Variants in CEP192 observed in about 807,000 individuals in gnomAD.
CEP192 encodes the protein centrosomal protein 192.
Under a neutral mutation model 271.8 loss-of-function variants are expected in CEP192, and 151 were observed. The ratio of observed to expected loss-of-function variants is 0.56; its 90% CI spans 0.49 to 0.64. The LOEUF is 0.64. Among genes scored for constraint, CEP192 ranks in the 30% least tolerant of loss-of-function variants. CEP192 has a pLI of 0.00. For synonymous variants in CEP192, 995 were observed against 1,076.5 expected (o/e 0.92, Z 1.48); for missense variants, 2,910 against 3,020.5 (o/e 0.96, Z 0.86).
At chr18:13,010,051 TG>T (rs952220646) in intron 4 of CEP192, among the ~76,000 whole-genome samples, 20 of 151,652 alleles carry the variant, frequency 1.3e-4, no homozygotes, top group Admixed American at 7.2e-4. Flanking sequence ...CCCAGCTACT[TG>T]GGAGGCTGAG....
intron 1 of CEP192, among the ~76,000 whole-genome samples, chr18:12,998,381 C>T (rs2033393294): frequency 6.6e-6 from 1 of 152,206 alleles, no homozygotes; most frequent in African/African-American, 2.4e-5. Flanking sequence ...CAGCATAGAC[C>T]TAGCACTTAG....
chr18:13,122,088 A>G (rs1372307359), intron 44 of CEP192, among the ~76,000 whole-genome samples: 1 of 152,194 alleles, frequency 6.6e-6, no homozygotes, highest in East Asian at 1.9e-4. Flanking sequence ...CAGGAGTTCA[A>G]GATCAGCCTG....
In CEP192 at chr18:13,049,342, G is replaced by A; in HGVS notation, c.2551G>A (p.Glu851Lys). 1.9e-6 allele frequency: 3 copies of A among 1,614,142 alleles called. No homozygotes were observed. Among genetic ancestry groups the A allele is most frequent in the Non-Finnish European group, 2.5e-6 (3 of 1,180,010 alleles). ...TAAIVYVENG[E>K]SENQESFRTI... ...AGCTATTGTTTATGTTGAAAATGGAGAGAGTGAGAATCAAGAGTCATTTAG... is the reference window on the plus strand; with the variant it reads ...AGCTATTGTTTATGTTGAAAATGGAAAGAGTGAGAATCAAGAGTCATTTAG... The change falls in exon 16 of 45, where the codon GAG (glutamate) becomes AAG (lysine). Residue 851 changes from glutamate (E) to lysine (K), a missense_variant. By Grantham distance (56) the Glu-to-Lys change is moderately conservative (BLOSUM62 1). Coordinates refer to ENST00000506447, the MANE Select transcript of CEP192 (RefSeq NM_032142.4).
At chr18:13,106,318 A>G (rs956112286) in intron 40 of CEP192, among the ~76,000 whole-genome samples, 1 of 150,542 alleles carries the variant, frequency 6.6e-6, no homozygotes, top group Non-Finnish European at 1.5e-5. Context: ...TACCACTCCC[A>G]CTCACAACTA....
intron 40 of CEP192, 78 bp downstream of exon 40, chr18:13,105,157 C>T (rs2039892236): frequency 3.1e-6 from 3 of 970,660 alleles, no homozygotes; most frequent in East Asian, 2.4e-5. Flanking sequence ...ACCCATTTAG[C>T]TTGTTTCACC....
chr18:13,068,307 G>A (rs2037823207), intron 23 of CEP192, 52 bp from the exon 24 acceptor site: 54 of 1,592,896 alleles, frequency 3.4e-5, no homozygotes, highest in Non-Finnish European at 4.6e-5. Context: ...CATTAAGATA[G>A]TAATATTAAT....
At chr18:13,091,194 C>T (rs1160450604) in intron 33 of CEP192, among the ~76,000 whole-genome samples, 1 of 152,064 alleles carries the variant, frequency 6.6e-6, no homozygotes, top group African/African-American at 2.4e-5. Flanking sequence ...AAGATGAGAC[C>T]AGAATGAGGA....
intron 1 of CEP192, 113 bp downstream of exon 1, chr18:12,991,550 G>C (rs1396601350): frequency 2.0e-5 from 3 of 152,446 alleles, no homozygotes; most frequent in East Asian, 3.8e-4. Flanking sequence ...TGGGCCGGGT[G>C]GGGGCGCAGG....
chr18:13,017,094 G>T, intron 6 of CEP192, 94 bp from the exon 7 acceptor site: 1 of 919,164 alleles, frequency 1.1e-6, no homozygotes. Context: ...TTAGTCCATT[G>T]ACTCATTTAT....
At chr18:13,095,790 C>A in intron 35 of CEP192, 109 bp downstream of exon 35, 1 of 945,652 alleles carries the variant, frequency 1.1e-6, no homozygotes, top group Non-Finnish European at 1.6e-6. Flanking sequence ...GCACATTGAG[C>A]TGTGACTTGC....
intron 24 of CEP192, 109 bp from the exon 25 acceptor site, chr18:13,068,743 T>C: frequency 9.0e-7 from 1 of 1,108,798 alleles, no homozygotes; most frequent in Non-Finnish European, 1.3e-6. Flanking sequence ...AAAAATCTGC[T>C]TGCCTAAATT....
chr18:13,095,430 G>T, intron 34 of CEP192, 73 bp from the exon 35 acceptor site: 1 of 1,063,494 alleles, frequency 9.4e-7, no homozygotes, highest in Non-Finnish European at 1.4e-6. Context: ...GATACAATCT[G>T]GCCTTTTATC....
chr18:13,059,359 A>G (rs2037286874), intron 21 of CEP192, 47 bp downstream of exon 21: 2 of 1,502,732 alleles, frequency 1.3e-6, no homozygotes, highest in Non-Finnish European at 1.9e-6. Flanking sequence ...ATTTTAAAGA[A>G]GACTGTTTAA....
rs1008525729 is a variant in CEP192 at position 12,991,443 on chromosome 18, G to C, written c.-5+6G>C. ...AAGTCGGGGACGCGGGCTCGGTGAG[G>C]GGGGACGCTGGTGCCTCGGCCTGCG... On this transcript the variant is annotated splice_donor_region_variant and intron_variant, in intron 1 of 44. Coordinates refer to ENST00000506447, the MANE Select transcript of CEP192 (RefSeq NM_032142.4). 1 of 152,926 alleles carries C rather than the reference G, an allele frequency of 6.5e-6. No individual in the cohort carries two copies. Among genetic ancestry groups the C allele is most frequent in the Non-Finnish European group, 1.5e-5 (1 of 68,648 alleles). The allele number at this position is 152,926 out of a possible 1,614,324, so 9.5% of individuals were successfully genotyped here.
intron 30 of CEP192, among the ~76,000 whole-genome samples, chr18:13,076,470 C>T (rs1241400731): frequency 2.0e-5 from 3 of 152,322 alleles, no homozygotes; most frequent in Middle Eastern, 3.4e-3. Flanking sequence ...CCAGCCTCAG[C>T]CTCCCAAAGT....
rs1397367500 is a variant in CEP192 at position 13,049,515 on chromosome 18, A to G, written c.2724A>G (p.Ser908=). Residue 908 remains serine (S), a synonymous_variant, in exon 16 of 45, where the codon TCA becomes TCG. Transcript: ENST00000506447. ...TSISTPSDSY[S]SVRNPRITSL... is the part of the protein sequence containing the mutation. ...TTTCCACTCCATCTGATAGTTATTC[A>G]TCAGTGAGGAACCCCAGAATAACAT... 2 of 1,614,040 alleles carry G rather than the reference A, an allele frequency of 1.2e-6. No individual in the cohort carries two copies. Among genetic ancestry groups the G allele is most frequent in the Non-Finnish European group, 1.7e-6 (2 of 1,180,040 alleles).
intron 9 of CEP192, among the ~76,000 whole-genome samples, chr18:13,027,819 G>A (rs2035390295): frequency 1.3e-5 from 2 of 151,492 alleles, no homozygotes; most frequent in African/African-American, 2.4e-5. Context: ...ATGAAAAGCA[G>A]TTATCTTGTT....
chr18:13,094,045 G>A (rs117823990), intron 34 of CEP192, among the ~76,000 whole-genome samples: 416 of 152,224 alleles, frequency 2.7e-3, no homozygotes, highest in Non-Finnish European at 4.7e-3. Context: ...AAAATATCCC[G>A]CAATTTCAGT....
chr18:13,052,858 T>C lies in CEP192; in HGVS notation c.3018-61T>C, dbSNP rs932766921. ...TTGTAGGCCCATAGGAATGGTTTTTTGCTAATGTAGATAGTTGAAGGACTG... is the reference window on the plus strand; with the variant it reads ...TTGTAGGCCCATAGGAATGGTTTTTCGCTAATGTAGATAGTTGAAGGACTG... On this transcript the variant is annotated intron_variant, in intron 17 of 44. Transcript: ENST00000506447. The C allele has an allele frequency of 4.5e-6, 6 of 1,325,294 alleles. No homozygotes were observed. The African/African-American group carries it at 8.7e-5, about 19-fold the overall frequency. 82.1% of individuals were successfully genotyped at this position (1,325,294 alleles called of 1,614,324 possible). A position where few individuals can be genotyped will look rare whatever the true frequency, so the allele number is the denominator to read the frequency against.
Sources: allele counts gnomAD v4.1 joint callset (sites outside exome capture counted in the v4.1 genomes callset), GRCh38; gene constraint gnomAD v4.1.1; transcripts MANE v1.5; gene names NCBI Gene and HGNC (gene_info 2026-07-23, HGNC 2026-07-21).